Variants in DDAH1 observed in about 807,000 individuals in gnomAD.
The protein encoded by DDAH1 is N(G),N(G)-dimethylarginine dimethylaminohydrolase 1.
Under a neutral mutation model 28.8 loss-of-function variants are expected in DDAH1, and 19 were observed. That is an observed-to-expected ratio of 0.66 (90% CI 0.46 to 0.97). DDAH1 has a LOEUF of 0.97. Ranked by LOEUF, DDAH1 falls within the 50% of genes least tolerant of loss-of-function variation. DDAH1 has a pLI of 0.00. For synonymous variants in DDAH1, 153 were observed against 154.4 expected (o/e 0.99, Z 0.07); for missense variants, 326 against 375.9 (o/e 0.87, Z 1.10).
intron 4 of DDAH1, among the ~76,000 whole-genome samples, chr1:85,337,311 C>T (rs565476507): frequency 1.4e-4 from 22 of 152,228 alleles, no homozygotes; most frequent in African/African-American, 5.1e-4. Flanking sequence ...AATTATCACA[C>T]TATTACAAGT....
chr1:85,497,311 A>G (rs1393740085), intron 1 of DDAH1, among the ~76,000 whole-genome samples: 2 of 152,230 alleles, frequency 1.3e-5, no homozygotes, highest in African/African-American at 2.4e-5. Flanking sequence ...CTATTGGTAT[A>G]TAACACACAG....
intron 1 of DDAH1, among the ~76,000 whole-genome samples, chr1:85,442,802 T>C (rs1461059418): frequency 2.0e-5 from 3 of 152,248 alleles, no homozygotes; most frequent in Admixed American, 1.3e-4. Context: ...TTTTTTCATA[T>C]GTCTGTTGGC....
intron 1 of DDAH1, among the ~76,000 whole-genome samples, chr1:85,427,681 A>G (rs1316495873): frequency 6.6e-6 from 1 of 152,210 alleles, no homozygotes; most frequent in East Asian, 1.9e-4. Context: ...ACAAACAAAC[A>G]CAGTGTAAAT....
intron 1 of DDAH1, among the ~76,000 whole-genome samples, chr1:85,523,930 A>C (rs1406827944): frequency 6.6e-6 from 1 of 152,122 alleles, no homozygotes; most frequent in Admixed American, 6.6e-5. Flanking sequence ...AGAGTTAGCA[A>C]TCGAATTTTT....
At chr1:85,484,902 A>G (rs1656149784) in intron 2 of DDAH1, among the ~76,000 whole-genome samples, 2 of 152,288 alleles carry the variant, frequency 1.3e-5, no homozygotes, top group South Asian at 4.1e-4. Flanking sequence ...AATTTAAGGG[A>G]CACATGTACT....
intron 4 of DDAH1, among the ~76,000 whole-genome samples, chr1:85,347,956 A>G (rs945978999): frequency 1.3e-5 from 2 of 152,166 alleles, no homozygotes; most frequent in African/African-American, 4.8e-5. Context: ...TATTTTCACT[A>G]CAAGGTAACA....
intron 1 of DDAH1, among the ~76,000 whole-genome samples, chr1:85,504,961 C>G (rs963430508): frequency 4.9e-5 from 3 of 60,778 alleles, no homozygotes; most frequent in African/African-American, 2.2e-4. Flanking sequence ...CTCAATGATT[C>G]TTTTTTTTTT....
At chr1:85,400,151 T>C (rs1651999309) in intron 1 of DDAH1, among the ~76,000 whole-genome samples, 1 of 151,792 alleles carries the variant, frequency 6.6e-6, no homozygotes, top group South Asian at 2.1e-4. Context: ...TAGTCTACTC[T>C]TGCAGGAATT....
At chr1:85,504,561 G>A (rs1169872382) in intron 1 of DDAH1, among the ~76,000 whole-genome samples, 5 of 152,116 alleles carry the variant, frequency 3.3e-5, no homozygotes, top group Non-Finnish European at 7.4e-5. Flanking sequence ...GAATATGATT[G>A]TCACATATTT....
intron 2 of DDAH1, among the ~76,000 whole-genome samples, chr1:85,474,673 A>G (rs1369167897): frequency 6.6e-6 from 1 of 152,194 alleles, no homozygotes; most frequent in Non-Finnish European, 1.5e-5. Flanking sequence ...GCAAACAGGC[A>G]CATCTTGTTA....
chr1:85,337,694 C>T (rs570678700), intron 4 of DDAH1, among the ~76,000 whole-genome samples: 16 of 152,150 alleles, frequency 1.1e-4, no homozygotes, highest in Admixed American at 7.2e-4. Flanking sequence ...CCTCGTGATC[C>T]ACCCGCCTTG....
chr1:85,454,294 C>T (rs186420211), intron 1 of DDAH1, among the ~76,000 whole-genome samples: 3 of 152,316 alleles, frequency 2.0e-5, no homozygotes, highest in East Asian at 1.9e-4. Flanking sequence ...TCATGTTCCC[C>T]GATCACACCT....
chr1:85,507,504 C>CAATAAATAAATA (rs773565540), intron 1 of DDAH1, among the ~76,000 whole-genome samples: 251 of 148,568 alleles, frequency 1.7e-3, no homozygotes, highest in African/African-American at 4.5e-3. Context: ...CCCTGCATCA[C>CAATAAATAAATA]AATAAATAAA....
chr1:85,496,973 A>G (rs1656616191), intron 1 of DDAH1, among the ~76,000 whole-genome samples: 1 of 152,262 alleles, frequency 6.6e-6, no homozygotes, highest in Non-Finnish European at 1.5e-5. Flanking sequence ...ATAAAGGAAC[A>G]AAGGCTATTT....
At chr1:85,357,834 C>T (rs185664659) in intron 2 of DDAH1, among the ~76,000 whole-genome samples, 10 of 152,268 alleles carry the variant, frequency 6.6e-5, no homozygotes, top group East Asian at 5.8e-4. Flanking sequence ...ACTAATTATA[C>T]GATAAATGAG....
intron 1 of DDAH1, among the ~76,000 whole-genome samples, chr1:85,416,420 T>G (rs1652891140): frequency 6.6e-6 from 1 of 151,934 alleles, no homozygotes; most frequent in East Asian, 1.9e-4. Flanking sequence ...GTATCAAACT[T>G]CTGACCTCAG....
At chr1:85,526,894 A>G (rs1330747653) in intron 1 of DDAH1, among the ~76,000 whole-genome samples, 2 of 150,150 alleles carry the variant, frequency 1.3e-5, no homozygotes, top group Non-Finnish European at 3.0e-5. Context: ...GGGAGGGAGA[A>G]AAGAGAGGCA....
At chr1:85,486,309 G>A (rs2100722758) in intron 2 of DDAH1, among the ~76,000 whole-genome samples, 1 of 152,232 alleles carries the variant, frequency 6.6e-6, no homozygotes, top group Admixed American at 6.5e-5. Flanking sequence ...CCTTAGTATG[G>A]GAATGCTCAC....
chr1:85,535,181 G>A (rs1407422806), intron 1 of DDAH1, among the ~76,000 whole-genome samples: 1 of 152,196 alleles, frequency 6.6e-6, no homozygotes, highest in Non-Finnish European at 1.5e-5. Flanking sequence ...GAAAATCGAT[G>A]TTAAAATTCT....
Sources: gnomAD v4.1 joint callset for allele counts (sites outside exome capture counted in the v4.1 genomes callset) on GRCh38, gnomAD v4.1.1 for gene constraint, MANE v1.5 for transcripts, NCBI Gene and HGNC (gene_info 2026-07-23, HGNC 2026-07-21) for gene names.